Variants in NR6A1 observed in about 807,000 individuals in gnomAD.
NR6A1 encodes retinoic acid receptor-related testis-associated receptor.
In NR6A1, 7 loss-of-function variants were observed where a neutral mutation model predicts 59.1. That is an observed-to-expected ratio of 0.12 (90% CI 0.07 to 0.22). The LOEUF (loss-of-function observed/expected upper bound fraction) is 0.22, where lower values mean the gene tolerates loss of function less well. Among genes scored for constraint, NR6A1 ranks in the 10% least tolerant of loss-of-function variants. The pLI, the probability that NR6A1 is intolerant of heterozygous loss-of-function variation, is 1.00. For missense variants in NR6A1, 468 were observed against 611.6 expected, an observed-to-expected ratio of 0.77 and a Z score of 2.48; for synonymous variants, 243 against 236.1, an observed-to-expected ratio of 1.03 and a Z score of -0.27.
intron 2 of NR6A1, among the ~76,000 whole-genome samples, chr9:124,656,560 G>T (rs1837264654): frequency 6.6e-6 from 1 of 152,124 alleles, no homozygotes; most frequent in African/African-American, 2.4e-5. Flanking sequence ...GCTAGGCACG[G>T]TGGGCTCATG....
Position 124,596,378 on chromosome 9 carries a change from A to T in NR6A1, c.143-41808T>A, listed in dbSNP as rs375591359. On this transcript the variant is annotated intron_variant, in intron 2 of 9. Coordinates refer to ENST00000487099, the MANE Select transcript of NR6A1 (RefSeq NM_033334.4). ...ATTACAATAAACAATGACAAGGCAA[A>T]TTCCTCTAAGAAAATTAATACACAG... Among the ~76,000 whole-genome samples the T allele has an allele frequency of 2.7e-4, 41 of 152,238 alleles. No individual in the cohort carries two copies. In the East Asian group the frequency reaches 4.1e-3, roughly 15 times the overall value.
rs1832741721 is a variant in NR6A1, at chr9:124,518,879, T to G, written c.*3826A>C. The G allele has an allele frequency of 6.6e-6, 1 of 151,650 alleles. No homozygotes were observed. The highest frequency in any genetic ancestry group is 1.5e-5 in the Non-Finnish European group (1 of 67,968). 9.4% of individuals were successfully genotyped at this position (151,650 alleles called of 1,614,324 possible). A position where few individuals can be genotyped will look rare whatever the true frequency, so the allele number is the denominator to read the frequency against. ...TTTCAAAAGCAACAAGGAAAAAAGA[T>G]ACACACCAGGGGCCCAGAGAGGAGG... On this transcript the variant is annotated 3_prime_UTR_variant, in exon 10 of 10. Transcript: ENST00000487099.
intron 8 of NR6A1, 40 bp from the exon 9 acceptor site, chr9:124,524,913 T>A: frequency 6.4e-7 from 1 of 1,555,506 alleles, no homozygotes; most frequent in South Asian, 1.2e-5. Context: ...ATACAGGGAA[T>A]GGGATGGGCA....
intron 2 of NR6A1, among the ~76,000 whole-genome samples, chr9:124,714,033 T>C (rs191375978): frequency 6.2e-4 from 94 of 152,294 alleles, no homozygotes; most frequent in African/African-American, 2.1e-3. Flanking sequence ...AAATGTGGTA[T>C]ATACATACAA....
At chr9:124,649,375 A>T (rs904212638) in intron 2 of NR6A1, among the ~76,000 whole-genome samples, 5 of 152,182 alleles carry the variant, frequency 3.3e-5, no homozygotes, top group Non-Finnish European at 7.4e-5. Flanking sequence ...CACTCCAATA[A>T]ATGGCACTGG....
chr9:124,741,487 T>G (rs899290613), intron 1 of NR6A1, among the ~76,000 whole-genome samples: 1 of 152,168 alleles, frequency 6.6e-6, no homozygotes, highest in Non-Finnish European at 1.5e-5. Flanking sequence ...CTACAGAGAA[T>G]TAATAGTCTC....
chr9:124,691,766 T>G (rs752208174), intron 2 of NR6A1, among the ~76,000 whole-genome samples: 44 of 152,222 alleles, frequency 2.9e-4, no homozygotes, highest in African/African-American at 1.0e-3. Context: ...TGTGGTAACT[T>G]AGTAATGCAG....
At chr9:124,748,858 C>CT (rs1447725026) in intron 1 of NR6A1, among the ~76,000 whole-genome samples, 1 of 142,250 alleles carries the variant, frequency 7.0e-6, no homozygotes, top group East Asian at 2.0e-4. Flanking sequence ...GAGCGAGACT[C>CT]TGTCTCAAAA....
chr9:124,653,589 T>C (rs149943120), intron 2 of NR6A1, among the ~76,000 whole-genome samples: 131 of 152,276 alleles, frequency 8.6e-4, no homozygotes, highest in Middle Eastern at 3.4e-3. Flanking sequence ...TTATTTTTTG[T>C]AGATATGGGG....
chr9:124,567,516 T>G (rs910703043), intron 2 of NR6A1, among the ~76,000 whole-genome samples: 2 of 151,946 alleles, frequency 1.3e-5, no homozygotes, highest in African/African-American at 4.8e-5. Context: ...GCAATCCCAG[T>G]ACTTAGGGGA....
At chr9:124,733,065 A>G (rs988716164) in intron 2 of NR6A1, among the ~76,000 whole-genome samples, 1 of 152,210 alleles carries the variant, frequency 6.6e-6, no homozygotes, top group Non-Finnish European at 1.5e-5. Context: ...GACTGGTGTT[A>G]AACAGAAATT....
At chr9:124,678,300 CT>C (rs897790683) in intron 2 of NR6A1, among the ~76,000 whole-genome samples, 65 of 152,332 alleles carry the variant, frequency 4.3e-4, no homozygotes, top group African/African-American at 1.6e-3. Context: ...CTAATCACCA[CT>C]TTCTCTTGGA....
chr9:124,650,711 A>G (rs1339855703), intron 2 of NR6A1, among the ~76,000 whole-genome samples: 4 of 152,214 alleles, frequency 2.6e-5, no homozygotes, highest in Non-Finnish European at 4.4e-5. Context: ...ATAAATATAT[A>G]CAATTATATA....
intron 1 of NR6A1, among the ~76,000 whole-genome samples, chr9:124,765,833 C>A (rs552984323): frequency 6.6e-6 from 1 of 152,114 alleles, no homozygotes; most frequent in African/African-American, 2.4e-5. Flanking sequence ...AACGAAATAC[C>A]GTAGGAAATG....
At chr9:124,628,531 A>G (rs1202548566) in intron 2 of NR6A1, among the ~76,000 whole-genome samples, 1 of 151,504 alleles carries the variant, frequency 6.6e-6, no homozygotes, top group African/African-American at 2.4e-5. Context: ...TTTAATAGAG[A>G]TGGTGTTTCA....
At chr9:124,764,819 C>T (rs1840886449) in intron 1 of NR6A1, among the ~76,000 whole-genome samples, 1 of 152,210 alleles carries the variant, frequency 6.6e-6, no homozygotes, top group Non-Finnish European at 1.5e-5. Flanking sequence ...AAACCACCCA[C>T]AGAGTATATC....
At chr9:124,690,552 T>TA (rs138500643) in intron 2 of NR6A1, among the ~76,000 whole-genome samples, 2,697 of 152,184 alleles carry the variant, frequency 0.018, 33 homozygotes, top group Middle Eastern at 0.031. Context: ...TTTTTTTTTT[T>TA]AGAGACAGAT....
chr9:124,601,082 C>T (rs1008339939), intron 2 of NR6A1, among the ~76,000 whole-genome samples: 51 of 151,754 alleles, frequency 3.4e-4, no homozygotes, highest in Middle Eastern at 3.5e-3. Flanking sequence ...TCAAAACCAG[C>T]CTGGCCAACA....
chr9:124,673,405 C>T (rs1458874625), intron 2 of NR6A1, among the ~76,000 whole-genome samples: 1 of 152,064 alleles, frequency 6.6e-6, no homozygotes, highest in African/African-American at 2.4e-5. Flanking sequence ...AACTTCAACA[C>T]AATACCGCCA....
Sources: gnomAD v4.1 joint callset for allele counts (sites outside exome capture counted in the v4.1 genomes callset) on GRCh38, gnomAD v4.1.1 for gene constraint, MANE v1.5 for transcripts, NCBI Gene and HGNC (gene_info 2026-07-23, HGNC 2026-07-21) for gene names.